The following NEGR1 variants were observed in gnomAD, a reference collection of about 807,000 sequenced individuals.
NEGR1 encodes IgLON family member 4.
In NEGR1, 10 loss-of-function variants were observed where a neutral mutation model predicts 40.9. The ratio of observed to expected loss-of-function variants is 0.24; its 90% CI spans 0.15 to 0.42. The LOEUF (loss-of-function observed/expected upper bound fraction) is 0.42, where lower values mean the gene tolerates loss of function less well. Among genes scored for constraint, NEGR1 ranks in the 10% least tolerant of loss-of-function variants. NEGR1 has a pLI of 1.00. For missense variants in NEGR1, 352 were observed against 438.9 expected, an observed-to-expected ratio of 0.80 and a Z score of 1.77; for synonymous variants, 185 against 166.8, an observed-to-expected ratio of 1.11 and a Z score of -0.84.
At chr1:72,055,986 T>C (rs1472445864) in intron 1 of NEGR1, among the ~76,000 whole-genome samples, 2 of 150,832 alleles carry the variant, frequency 1.3e-5, no homozygotes, top group African/African-American at 4.8e-5. Context: ...CCTAAAATTC[T>C]GGTATTAATT....
intron 1 of NEGR1, among the ~76,000 whole-genome samples, chr1:71,949,587 G>T (rs187883571): frequency 6.6e-6 from 1 of 152,202 alleles, no homozygotes; most frequent in East Asian, 1.9e-4. Flanking sequence ...CAAAGAATAG[G>T]GTAAGAATAG....
Position 71,404,164 on chromosome 1 carries a change from A to AC in NEGR1, c.*3281_*3282insG, listed in dbSNP as rs1646262770. 1 of 134,940 alleles carries AC rather than the reference A, an allele frequency of 7.4e-6. No individual in the cohort carries two copies. The highest frequency in any genetic ancestry group is 3.1e-5 in the African/African-American group (1 of 32,078). 8.4% of individuals were successfully genotyped at this position (134,940 alleles called of 1,614,324 possible). On this transcript the variant is annotated 3_prime_UTR_variant, in exon 7 of 7. Transcript: ENST00000357731. ...TGTAGGGGTATTTATATATATATAT[A>AC]TTTTTTTTTTTCCCTGAATTACCTG...
At chr1:72,110,221 T>TAAAAAAAAAA (rs57618301) in intron 1 of NEGR1, among the ~76,000 whole-genome samples, 23 of 106,878 alleles carry the variant, frequency 2.2e-4, no homozygotes, top group African/African-American at 5.0e-4. Context: ...TAGAGTATAA[T>TAAAAAAAAAA]AAAAAAAAAA....
chr1:71,611,245 G>T lies in NEGR1; in HGVS notation c.668-99C>A. The T allele has an allele frequency of 4.6e-6, 5 of 1,078,002 alleles. No individual in the cohort carries two copies. In the Admixed American group the frequency reaches 8.6e-5, roughly 19 times the overall value. 66.8% of individuals were successfully genotyped at this position (1,078,002 alleles called of 1,614,324 possible). ...TATTTTTATTCCTTCTATATTCAAA[G>T]CAATCTTATGCCTGATAGACCAACG... On this transcript the variant is annotated intron_variant, in intron 4 of 6. Coordinates refer to ENST00000357731, the MANE Select transcript of NEGR1 (RefSeq NM_173808.3).
intron 5 of NEGR1, among the ~76,000 whole-genome samples, chr1:71,595,624 G>C (rs1217357956): frequency 6.6e-6 from 1 of 152,158 alleles, no homozygotes; most frequent in Non-Finnish European, 1.5e-5. Context: ...TGAGCTCTAT[G>C]CTGGCTGAGT....
intron 1 of NEGR1, among the ~76,000 whole-genome samples, chr1:72,007,843 C>T (rs1381079008): frequency 1.3e-5 from 2 of 151,942 alleles, no homozygotes; most frequent in African/African-American, 2.4e-5. Flanking sequence ...AATACTTTGC[C>T]TAAGGCCTAC....
intron 1 of NEGR1, among the ~76,000 whole-genome samples, chr1:72,052,498 G>A (rs899322852): frequency 6.6e-6 from 1 of 151,332 alleles, no homozygotes; most frequent in Admixed American, 6.6e-5. Flanking sequence ...ATTCCACTTC[G>A]TATTATTGTC....
At chr1:71,583,539 T>C (rs568877602) in intron 6 of NEGR1, among the ~76,000 whole-genome samples, 50 of 152,252 alleles carry the variant, frequency 3.3e-4, no homozygotes, top group African/African-American at 1.1e-3. Flanking sequence ...CTATCACTTA[T>C]GCAAGTCTTC....
intron 6 of NEGR1, among the ~76,000 whole-genome samples, chr1:71,570,042 C>T (rs1284535501): frequency 6.6e-6 from 1 of 152,132 alleles, no homozygotes; most frequent in Non-Finnish European, 1.5e-5. Flanking sequence ...TTTCTTGATG[C>T]CTATTTCCTT....
chr1:71,920,906 G>A lies in NEGR1; in HGVS notation c.409+14173C>T, dbSNP rs573492990. 1.2e-4 allele frequency among the ~76,000 whole-genome samples: 18 copies of A among 152,232 alleles called. No individual in the cohort carries two copies. The East Asian group carries it at 3.3e-3, about 28-fold the overall frequency. ...TTAAAGTTTCAGTCTGTGTGGTAAT[G>A]AAAGACTCCTATTTTCACTCATGCC... On this transcript the variant is annotated intron_variant, in intron 2 of 6. Coordinates refer to ENST00000357731, the MANE Select transcript of NEGR1 (RefSeq NM_173808.3).
chr1:71,566,082 G>A (rs1357443980), intron 6 of NEGR1, among the ~76,000 whole-genome samples: 1 of 151,946 alleles, frequency 6.6e-6, no homozygotes, highest in Non-Finnish European at 1.5e-5. Context: ...TTCCCCCTGA[G>A]AGCCTCCCGA....
In NEGR1 at chr1:71,846,907, CA is replaced by C. The variant is rs576447004; in HGVS notation, c.410-70611del. Reference sequence around the variant, plus strand: ...AAAGACCCATCTCTTGATACTGTTACATTTGGTATTAGGTTTCAACTCATGA... The same window carrying C: ...AAAGACCCATCTCTTGATACTGTTACTTTGGTATTAGGTTTCAACTCATGA... On this transcript the variant is annotated intron_variant, in intron 2 of 6. Transcript: ENST00000357731. Among the ~76,000 whole-genome samples the C allele has an allele frequency of 2.5e-3, 382 of 152,266 alleles. 3 individuals are homozygous for C. The highest frequency in any genetic ancestry group is 8.5e-3 in the African/African-American group (353 of 41,558).
intron 1 of NEGR1, among the ~76,000 whole-genome samples, chr1:72,135,423 A>AAAC (rs1650426570): frequency 1.4e-4 from 1 of 7,006 alleles, no homozygotes; most frequent in South Asian, 6.6e-3. Flanking sequence ...AAACAAAACC[A>AAAC]AAAAAAAAAA....
chr1:72,274,210 G>C (rs917261500), intron 1 of NEGR1, among the ~76,000 whole-genome samples: 2 of 151,844 alleles, frequency 1.3e-5, no homozygotes, highest in Admixed American at 6.6e-5. Context: ...AACTTTATTA[G>C]GTTAAAACAC....
chr1:71,839,102 C>T (rs1659144168), intron 2 of NEGR1, among the ~76,000 whole-genome samples: 1 of 148,582 alleles, frequency 6.7e-6, no homozygotes, highest in Non-Finnish European at 1.5e-5. Context: ...GATCATCAGA[C>T]ACTCATCCAA....
intron 3 of NEGR1, among the ~76,000 whole-genome samples, chr1:71,762,084 A>T (rs1049678169): frequency 2.6e-5 from 4 of 152,110 alleles, no homozygotes; most frequent in African/African-American, 7.2e-5. Flanking sequence ...TGCTGGAACT[A>T]GTAAAGGTTG....
chr1:71,579,237 C>T (rs1444103897), intron 6 of NEGR1, among the ~76,000 whole-genome samples: 1 of 152,124 alleles, frequency 6.6e-6, no homozygotes, highest in Non-Finnish European at 1.5e-5. Context: ...CATGGGATTT[C>T]TATTATTCAC....
chr1:72,171,513 TA>T (rs574567891), intron 1 of NEGR1, among the ~76,000 whole-genome samples: 1 of 152,316 alleles, frequency 6.6e-6, no homozygotes, highest in South Asian at 2.1e-4. Context: ...GCTGAGATTC[TA>T]AGGGCTTTTG....
At chr1:72,104,759 C>T (rs559794944) in intron 1 of NEGR1, among the ~76,000 whole-genome samples, 1 of 150,260 alleles carries the variant, frequency 6.7e-6, no homozygotes, top group Non-Finnish European at 1.5e-5. Context: ...TTTTATAAAA[C>T]AACAATACTT....
Sources: gnomAD v4.1 joint callset for allele counts (sites outside exome capture counted in the v4.1 genomes callset) on GRCh38, gnomAD v4.1.1 for gene constraint, MANE v1.5 for transcripts, NCBI Gene and HGNC (gene_info 2026-07-23, HGNC 2026-07-21) for gene names.